Variants in NALF1 observed in about 807,000 individuals in gnomAD.
NALF1 encodes family with sequence similarity 155 member A.
A neutral mutation model predicts 48.4 loss-of-function variants in NALF1; 3 were observed. That is an observed-to-expected ratio of 0.06 (90% CI 0.03 to 0.16). NALF1 has a LOEUF of 0.16. Ranked by LOEUF, NALF1 falls within the 10% of genes least tolerant of loss-of-function variation. The pLI is 1.00. For missense variants in NALF1, 526 were observed against 571.5 expected (o/e 0.92, Z 0.81); for synonymous variants, 262 against 245.7 (o/e 1.07, Z -0.62).
intron 1 of NALF1, among the ~76,000 whole-genome samples, chr13:107,705,602 T>A (rs1211072760): frequency 6.6e-6 from 1 of 152,054 alleles, no homozygotes; most frequent in Admixed American, 6.6e-5. Context: ...TTGTCATTGA[T>A]CACAAGATTA....
intron 1 of NALF1, among the ~76,000 whole-genome samples, chr13:107,640,646 C>T (rs959434441): frequency 6.6e-6 from 1 of 152,130 alleles, no homozygotes; most frequent in Non-Finnish European, 1.5e-5. Flanking sequence ...ACAATATTTG[C>T]ATAAATAATT....
intron 1 of NALF1, among the ~76,000 whole-genome samples, chr13:107,540,911 G>T (rs1222964013): frequency 2.6e-5 from 4 of 151,996 alleles, no homozygotes; most frequent in African/African-American, 9.7e-5. Flanking sequence ...AAACACTATG[G>T]CACCCTTTTT....
chr13:107,610,254 T>C (rs1401065877), intron 1 of NALF1, among the ~76,000 whole-genome samples: 2 of 152,170 alleles, frequency 1.3e-5, no homozygotes, highest in African/African-American at 4.8e-5. Flanking sequence ...CTGTTCTCCT[T>C]GCAAGAGTAT....
At chr13:107,719,020 G>A (rs899272667) in intron 1 of NALF1, among the ~76,000 whole-genome samples, 1 of 152,158 alleles carries the variant, frequency 6.6e-6, no homozygotes, top group African/African-American at 2.4e-5. Context: ...CTAAATAGAA[G>A]CATAGTTTCA....
chr13:107,551,487 T>A (rs757398181), intron 1 of NALF1, among the ~76,000 whole-genome samples: 14 of 152,212 alleles, frequency 9.2e-5, no homozygotes, highest in Non-Finnish European at 2.1e-4. Flanking sequence ...CTGCAATTCA[T>A]AAATGTGAAG....
intron 1 of NALF1, among the ~76,000 whole-genome samples, chr13:107,670,905 G>A (rs1880975603): frequency 6.6e-6 from 1 of 152,096 alleles, no homozygotes; most frequent in Non-Finnish European, 1.5e-5. Context: ...TGGGTCTTGA[G>A]ATTCCATTGT....
chr13:107,411,761 G>A (rs1883995961), intron 1 of NALF1, among the ~76,000 whole-genome samples: 1 of 152,170 alleles, frequency 6.6e-6, no homozygotes, highest in Non-Finnish European at 1.5e-5. Flanking sequence ...TGGAATAAGT[G>A]GGGTCTGGAT....
intron 2 of NALF1, among the ~76,000 whole-genome samples, chr13:107,201,518 A>C (rs1343205587): frequency 2.0e-5 from 3 of 152,144 alleles, no homozygotes; most frequent in African/African-American, 7.2e-5. Context: ...GGGAGCTTCC[A>C]GTGAGTCGAG....
rs139911052 is a variant in NALF1 at position 107,727,032 on chromosome 13, G to A, written c.915+138650C>T. ...TCCCCATGTTGGTCAGGCTGGTCTC[G>A]AACTCCTGACCTCATGATCCTCCCT... On this transcript the variant is annotated intron_variant, in intron 1 of 2. Coordinates refer to ENST00000375915, the MANE Select transcript of NALF1 (RefSeq NM_001080396.3). Among the ~76,000 whole-genome samples the A allele has an allele frequency of 5.0e-3, 742 of 147,270 alleles. 2 individuals are homozygous for A. The highest frequency in any genetic ancestry group is 0.018 in the African/African-American group (709 of 40,224).
chr13:107,597,593 A>C (rs1017019535), intron 1 of NALF1, among the ~76,000 whole-genome samples: 7 of 152,102 alleles, frequency 4.6e-5, no homozygotes, highest in Non-Finnish European at 8.8e-5. Context: ...AAGGGTACTG[A>C]ATTGTGTAAA....
chr13:107,178,663 GCCAGGCACGGTGGCTCACGCA>G (rs901430153), intron 2 of NALF1, among the ~76,000 whole-genome samples: 8 of 152,172 alleles, frequency 5.3e-5, no homozygotes, highest in African/African-American at 1.9e-4. Context: ...CTAAAAATAG[GCCAGGCACGGTGGCTCACGCA>G]CCTAATCCCA....
intron 1 of NALF1, among the ~76,000 whole-genome samples, chr13:107,433,107 T>G (rs987750545): frequency 2.6e-5 from 4 of 152,206 alleles, no homozygotes; most frequent in Non-Finnish European, 5.9e-5. Flanking sequence ...GTTGTTTTTG[T>G]CACAACTAGA....
chr13:107,364,634 T>C (rs541429573), intron 1 of NALF1, among the ~76,000 whole-genome samples: 2 of 152,274 alleles, frequency 1.3e-5, no homozygotes, highest in South Asian at 4.1e-4. Context: ...CCATGTGTTA[T>C]AGAACAAAGA....
chr13:107,519,410 T>C (rs778154854), intron 1 of NALF1, among the ~76,000 whole-genome samples: 2 of 152,012 alleles, frequency 1.3e-5, no homozygotes, highest in Non-Finnish European at 2.9e-5. Flanking sequence ...AGGATGTAAC[T>C]ACTAAAGCCA....
intron 1 of NALF1, among the ~76,000 whole-genome samples, chr13:107,824,023 T>TAA (rs1185941872): frequency 2.0e-5 from 3 of 149,828 alleles, no homozygotes; most frequent in Non-Finnish European, 4.4e-5. Flanking sequence ...CATCATTCCT[T>TAA]AAAGGCAAAG....
intron 1 of NALF1, among the ~76,000 whole-genome samples, chr13:107,690,927 C>G (rs969362197): frequency 6.6e-6 from 1 of 152,208 alleles, no homozygotes; most frequent in African/African-American, 2.4e-5. Flanking sequence ...TTACATAAAT[C>G]TGAGCCAATG....
Position 107,492,032 on chromosome 13 carries a change from G to GTTTTTT in NALF1, c.916-281283_916-281278dup, listed in dbSNP as rs762750416. The stretch of plus-strand genomic sequence containing the variant: ...GTTTCATTTTTACAAGCCTGTCTGG[G>GTTTTTT]TTTTTTTTTGTTTTTTTTTTTTTTT... On this transcript the variant is annotated intron_variant, in intron 1 of 2. Transcript: ENST00000375915. Among the ~76,000 whole-genome samples the GTTTTTT allele has an allele frequency of 4.6e-4, 48 of 103,336 alleles. 2 individuals carry two copies. The highest frequency in any genetic ancestry group is 9.0e-4 in the African/African-American group (22 of 24,426). The allele number at this position is 103,336 out of a possible 152,430, so 67.8% of individuals were successfully genotyped here.
At chr13:107,360,609 C>T (rs1016085334) in intron 1 of NALF1, among the ~76,000 whole-genome samples, 5 of 152,126 alleles carry the variant, frequency 3.3e-5, no homozygotes, top group Admixed American at 2.0e-4. Context: ...TGCTTTTTCA[C>T]ATTCTGGATT....
At chr13:107,386,425 G>A (rs766164134) in intron 1 of NALF1, among the ~76,000 whole-genome samples, 1 of 152,104 alleles carries the variant, frequency 6.6e-6, no homozygotes, top group Non-Finnish European at 1.5e-5. Flanking sequence ...TTACACAACT[G>A]TTTCCATGAC....
Sources: allele counts gnomAD v4.1 joint callset (sites outside exome capture counted in the v4.1 genomes callset), GRCh38; gene constraint gnomAD v4.1.1; transcripts MANE v1.5; gene names NCBI Gene and HGNC (gene_info 2026-07-23, HGNC 2026-07-21).